The following CRYBG1 variants were observed in gnomAD, a reference collection of about 807,000 sequenced individuals.
The protein encoded by CRYBG1 is crystallin beta-gamma domain containing 1.
In CRYBG1, 139 loss-of-function variants were observed where a neutral mutation model predicts 189.2. The ratio of observed to expected loss-of-function variants is 0.73; its 90% CI spans 0.64 to 0.85. The LOEUF (loss-of-function observed/expected upper bound fraction) is 0.85. CRYBG1 is among the 40% of genes least tolerant of loss of function. The probability of loss-of-function intolerance (pLI) is 0.00; values close to 1 mark genes in which losing one functional copy is unlikely to be tolerated. For missense variants in CRYBG1, 2,611 were observed against 2,675.8 expected (o/e 0.98, Z 0.53); for synonymous variants, 1,023 against 1,017.1 (o/e 1.01, Z -0.11).
intron 2 of CRYBG1, among the ~76,000 whole-genome samples, chr6:106,459,217 G>A (rs1771951622): frequency 6.6e-6 from 1 of 152,126 alleles, no homozygotes; most frequent in Non-Finnish European, 1.5e-5. Flanking sequence ...TGTCTTCTTT[G>A]AGGCACTGAC....
chr6:106,405,000 A>G (rs1046618975), intron 1 of CRYBG1, among the ~76,000 whole-genome samples: 13 of 149,844 alleles, frequency 8.7e-5, no homozygotes, highest in African/African-American at 3.0e-4. Context: ...TTTTTTTCAT[A>G]CCCCAGTGGT....
Position 106,385,230 on chromosome 6 carries a change from G to A in CRYBG1, c.173+24149G>A, listed in dbSNP as rs142263150. Among the ~76,000 whole-genome samples, 1,103 of 152,256 alleles carry A rather than the reference G, an allele frequency of 7.2e-3. 10 individuals are homozygous for A. The highest frequency in any genetic ancestry group is 0.023 in the South Asian group (112 of 4,824). On this transcript the variant is annotated intron_variant, in intron 1 of 21. Coordinates refer to ENST00000633556, the MANE Select transcript of CRYBG1 (RefSeq NM_001371242.2). ...TCTCACTTCTGTGTATAAGAGAAAC[G>A]TGTGTGCTCTGCATCCATCTCCTCT...
At chr6:106,527,716 C>G (rs898541466) in intron 7 of CRYBG1, among the ~76,000 whole-genome samples, 1 of 152,116 alleles carries the variant, frequency 6.6e-6, no homozygotes, top group East Asian at 1.9e-4. Context: ...TTCCCATCTT[C>G]CAAATATATT....
intron 2 of CRYBG1, among the ~76,000 whole-genome samples, chr6:106,489,679 T>A (rs1582791961): frequency 9.2e-6 from 1 of 109,072 alleles, no homozygotes; most frequent in Admixed American, 1.0e-4. Context: ...AAAAAAAAAA[T>A]TAGCCGGGGG....
At chr6:106,486,222 T>A (rs1420906525) in intron 2 of CRYBG1, among the ~76,000 whole-genome samples, 3 of 152,190 alleles carry the variant, frequency 2.0e-5, no homozygotes, top group African/African-American at 7.2e-5. Flanking sequence ...GACCCATTGA[T>A]TATCAAAGAA....
At chr6:106,486,753 T>C (rs1020122217) in intron 2 of CRYBG1, among the ~76,000 whole-genome samples, 1 of 152,198 alleles carries the variant, frequency 6.6e-6, no homozygotes, top group Non-Finnish European at 1.5e-5. Flanking sequence ...TGTTCACTTT[T>C]GGTTTCCATT....
chr6:106,530,667 T>TG lies in CRYBG1; in HGVS notation c.4718+360dup, dbSNP rs35370433. Among the ~76,000 whole-genome samples, 159 of 151,788 alleles carry TG rather than the reference T, an allele frequency of 1.0e-3. 1 individual carries two copies. Among genetic ancestry groups the TG allele is most frequent in the Admixed American group, 2.9e-3 (44 of 15,230 alleles). On this transcript the variant is annotated intron_variant, in intron 8 of 21. Transcript: ENST00000633556. ...TCAAAGCACATGCCCCTGATATTTC[T>TG]GGGGGGGGATGGAAGCCAACACACA...
chr6:106,397,509 G>C (rs111829695), intron 1 of CRYBG1, among the ~76,000 whole-genome samples: 3,061 of 152,236 alleles, frequency 0.02, 108 homozygotes, highest in African/African-American at 0.069. Context: ...TATGGGTTGG[G>C]CACTTTTAAG....
chr6:106,525,025 G>A (rs913309395), intron 4 of CRYBG1, 108 bp from the exon 5 acceptor site: 3 of 1,115,972 alleles, frequency 2.7e-6, no homozygotes, highest in African/African-American at 1.6e-5. Flanking sequence ...TTTCAAAATC[G>A]ATACAATGTG....
chr6:106,511,121 G>A (rs1399438460), intron 2 of CRYBG1, among the ~76,000 whole-genome samples: 1 of 152,172 alleles, frequency 6.6e-6, no homozygotes, highest in Admixed American at 6.5e-5. Context: ...AACCTAGAGA[G>A]GGCAAGGAAC....
At chr6:106,511,009 G>A (rs1286334888) in intron 2 of CRYBG1, among the ~76,000 whole-genome samples, 1 of 152,154 alleles carries the variant, frequency 6.6e-6, no homozygotes, top group Non-Finnish European at 1.5e-5. Flanking sequence ...CGGTGTTTCG[G>A]GAAAAAGTCC....
chr6:106,516,772 A>G (rs139441063), intron 3 of CRYBG1, among the ~76,000 whole-genome samples: 2,864 of 152,312 alleles, frequency 0.019, 54 homozygotes, highest in South Asian at 0.084. Context: ...GGAGCATGGC[A>G]TCTGAAGCCA....
At chr6:106,368,200 T>G (rs958098629) in intron 1 of CRYBG1, among the ~76,000 whole-genome samples, 6 of 152,052 alleles carry the variant, frequency 3.9e-5, no homozygotes, top group Non-Finnish European at 7.4e-5. Flanking sequence ...GATCACTTAC[T>G]TGAGGCCAGG....
chr6:106,383,890 G>A, intron 1 of CRYBG1, among the ~76,000 whole-genome samples: 1 of 152,184 alleles, frequency 6.6e-6, no homozygotes, highest in East Asian at 1.9e-4. Flanking sequence ...TTAGTACATG[G>A]GGCTAGGGAA....
chr6:106,407,529 A>C (rs1283253636), intron 1 of CRYBG1, among the ~76,000 whole-genome samples: 1 of 152,192 alleles, frequency 6.6e-6, no homozygotes, highest in African/African-American at 2.4e-5. Context: ...CTCTGGACCT[A>C]ATAGACATCT....
At position 106,407,352 on chromosome 6, in the gene CRYBG1, T is replaced by C. The variant is rs187204276; in HGVS notation, c.174-44342T>C. ...AGGATCTAACTATCCTAAATATATATGCACCCAATACAGGAGCACCCAGAT... is the reference window on the plus strand; with the variant it reads ...AGGATCTAACTATCCTAAATATATACGCACCCAATACAGGAGCACCCAGAT... On this transcript the variant is annotated intron_variant, in intron 1 of 21. Coordinates refer to ENST00000633556, the MANE Select transcript of CRYBG1 (RefSeq NM_001371242.2). Among the ~76,000 whole-genome samples, 201 of 152,282 alleles carry C rather than the reference T, an allele frequency of 1.3e-3. 1 individual carries two copies. Among genetic ancestry groups the C allele is most frequent in the African/African-American group, 4.6e-3 (193 of 41,550 alleles).
chr6:106,449,243 A>G (rs926836378), intron 1 of CRYBG1: 1 of 152,224 alleles, frequency 6.6e-6, no homozygotes, highest in Non-Finnish European at 1.5e-5. Flanking sequence ...CTTAGGAAGC[A>G]CAGGTAGATT....
intron 1 of CRYBG1, among the ~76,000 whole-genome samples, chr6:106,436,455 G>A (rs9373862): frequency 0.15 from 22,140 of 151,956 alleles, 1,667 homozygotes; most frequent in East Asian, 0.16. Context: ...CCGCCACCTC[G>A]CCCTACTGTT....
Position 106,519,475 on chromosome 6 carries a change from C to T in CRYBG1, c.2267C>T (p.Ser756Leu), listed in dbSNP as rs761415263. The T allele has an allele frequency of 1.5e-5, 25 of 1,613,880 alleles. 1 individual carries two copies. Among genetic ancestry groups the T allele is most frequent in the South Asian group, 1.1e-4 (10 of 91,080 alleles). Residue 756 changes from serine to leucine, a missense_variant, in exon 4 of 22, where the codon TCG (serine) becomes TTG (leucine). Transcript: ENST00000633556. ...GCTATAGAAACCAAAGTTACCGTCT[C>T]GGAAGAAGAGATTCTGCCAGCAACC... is the stretch of plus-strand genomic sequence containing the variant. Reference protein sequence around the residue: ...ETAIETKVTVSEEEILPATRG... With the variant: ...ETAIETKVTVLEEEILPATRG...
Sources: gnomAD v4.1 joint callset for allele counts (sites outside exome capture counted in the v4.1 genomes callset) on GRCh38, gnomAD v4.1.1 for gene constraint, MANE v1.5 for transcripts, NCBI Gene and HGNC (gene_info 2026-07-23, HGNC 2026-07-21) for gene names.